The following POC1B variants were observed in gnomAD, a reference collection of about 807,000 sequenced individuals.
POC1B encodes POC1 centriolar protein B, also known as POC1 centriolar protein homolog B.
Under a neutral mutation model 60.6 loss-of-function variants are expected in POC1B, and 44 were observed. The observed-to-expected ratio is 0.73, with a 90% confidence interval of 0.57 to 0.93. POC1B has a LOEUF of 0.93. Among genes scored for constraint, POC1B ranks in the 40% least tolerant of loss-of-function variants. The probability of loss-of-function intolerance (pLI) is 0.00; values close to 1 mark genes in which losing one functional copy is unlikely to be tolerated. For missense variants in POC1B, 555 were observed against 572.3 expected, an observed-to-expected ratio of 0.97 and a Z score of 0.31; for synonymous variants, 180 against 198.9, an observed-to-expected ratio of 0.90 and a Z score of 0.80.
chr12:89,489,489 T>C (rs965455354), intron 4 of POC1B, among the ~76,000 whole-genome samples: 5 of 152,132 alleles, frequency 3.3e-5, no homozygotes, highest in Non-Finnish European at 7.3e-5. Flanking sequence ...AAGAAAAACC[T>C]AGTGACTAAA....
Position 89,466,920 on chromosome 12 carries a change from G to T in POC1B, c.882C>A (p.Val294=). 1 of 1,605,992 alleles carries T rather than the reference G, an allele frequency of 6.2e-7. No homozygotes were observed. Among genetic ancestry groups the T allele is most frequent in the Non-Finnish European group, 8.5e-7 (1 of 1,175,748 alleles). The change falls in exon 9 of 12, where the codon GTC becomes GTA. Residue 294 remains valine, a splice_region_variant and synonymous_variant. Coordinates refer to ENST00000313546, the MANE Select transcript of POC1B (RefSeq NM_172240.3). ...CATCAAAGTTAGTCCTCCATAATAA[G>T]ACCTATGAAAAAAGTCAATGATGTT... is the stretch of plus-strand genomic sequence containing the variant. ...LFASGGADTQ[V]LLWRTNFDEL...
chr12:89,442,640 C>T (rs1881578478), intron 10 of POC1B, among the ~76,000 whole-genome samples: 1 of 152,218 alleles, frequency 6.6e-6, no homozygotes, highest in Non-Finnish European at 1.5e-5. Context: ...GTACCAGCCA[C>T]TGCAAAAACA....
At chr12:89,412,600 C>G in the POC1B span, among the ~76,000 whole-genome samples, 1 of 151,706 alleles carries the variant, frequency 6.6e-6, no homozygotes, top group Admixed American at 6.6e-5. Context: ...CCGCTTGAAC[C>G]CGGGAGGTGG....
intron 11 of POC1B, among the ~76,000 whole-genome samples, chr12:89,424,763 G>A (rs1408505673): frequency 6.6e-6 from 1 of 152,144 alleles, no homozygotes; most frequent in African/African-American, 2.4e-5. Flanking sequence ...AAACCATCAT[G>A]CCTGGAAGAT....
chr12:89,468,111 A>C (rs1266102593), intron 7 of POC1B, among the ~76,000 whole-genome samples: 1 of 152,200 alleles, frequency 6.6e-6, no homozygotes, highest in Admixed American at 6.5e-5. Flanking sequence ...GGCTTCACTG[A>C]GTTCCCCCTT....
chr12:89,466,983 A>C (rs1345212163), intron 8 of POC1B, 61 bp from the exon 9 acceptor site: 1 of 1,436,794 alleles, frequency 7.0e-7, no homozygotes, highest in African/African-American at 1.4e-5. Flanking sequence ...AATAGAGCTG[A>C]TTTTAAAACC....
intron 2 of POC1B, among the ~76,000 whole-genome samples, chr12:89,499,480 G>T (rs1257646018): frequency 6.6e-6 from 1 of 151,748 alleles, no homozygotes; most frequent in Non-Finnish European, 1.5e-5. Context: ...ACCTGCACAT[G>T]TACTCCCTGA....
intron 10 of POC1B, among the ~76,000 whole-genome samples, chr12:89,439,377 C>A (rs993554298): frequency 6.6e-6 from 1 of 152,140 alleles, no homozygotes; most frequent in Non-Finnish European, 1.5e-5. Flanking sequence ...CTAGAACATT[C>A]CAGTTCTCCC....
intron 2 of POC1B, chr12:89,500,747 G>C (rs1869518689): frequency 9.4e-7 from 1 of 1,064,278 alleles, no homozygotes; most frequent in South Asian, 1.5e-5. Context: ...AAAGAAAATA[G>C]AAATAGATAG....
At chr12:89,525,027 C>T in intron 2 of POC1B, 93 bp downstream of exon 2, 1 of 1,553,444 alleles carries the variant, frequency 6.4e-7, no homozygotes, top group East Asian at 2.3e-5. Context: ...GGCCCTTAGC[C>T]GTTCTCCTAG....
chr12:89,455,336 C>T (rs983659288), intron 10 of POC1B, among the ~76,000 whole-genome samples: 6 of 151,582 alleles, frequency 4.0e-5, no homozygotes, highest in African/African-American at 1.2e-4. Flanking sequence ...GACCTTGTCT[C>T]AAAAAAGAAA....
chr12:89,480,027 C>T (rs1218576877), intron 4 of POC1B, among the ~76,000 whole-genome samples: 1 of 152,108 alleles, frequency 6.6e-6, no homozygotes, highest in African/African-American at 2.4e-5. Context: ...ACACATGTAT[C>T]TGCTTCTGGG....
intron 2 of POC1B, among the ~76,000 whole-genome samples, chr12:89,519,027 G>T (rs1225517694): frequency 2.6e-5 from 4 of 152,142 alleles, no homozygotes; most frequent in Non-Finnish European, 2.9e-5. Flanking sequence ...TGGTGGAAGG[G>T]AATTTCATTT....
intron 2 of POC1B, among the ~76,000 whole-genome samples, chr12:89,512,933 C>T (rs548210012): frequency 6.6e-6 from 1 of 152,212 alleles, no homozygotes; most frequent in East Asian, 1.9e-4. Flanking sequence ...ACCAATAAAC[C>T]AGTGCTTCTC....
At chr12:89,484,733 G>A (rs1868543178) in intron 4 of POC1B, among the ~76,000 whole-genome samples, 1 of 152,166 alleles carries the variant, frequency 6.6e-6, no homozygotes, top group Non-Finnish European at 1.5e-5. Flanking sequence ...ACTAATCACT[G>A]TACTGCATCA....
At chr12:89,446,317 C>A (rs377044919) in intron 10 of POC1B, among the ~76,000 whole-genome samples, 3 of 152,126 alleles carry the variant, frequency 2.0e-5, no homozygotes, top group African/African-American at 4.8e-5. Context: ...ATGTTTATTG[C>A]GGCACTATTC....
the POC1B span, among the ~76,000 whole-genome samples, chr12:89,412,054 G>C: frequency 6.6e-6 from 1 of 152,288 alleles, no homozygotes; most frequent in African/African-American, 2.4e-5. Flanking sequence ...TTTTATCTCT[G>C]AAAAGCAAAG....
intron 4 of POC1B, among the ~76,000 whole-genome samples, chr12:89,489,422 G>A (rs1459546866): frequency 6.6e-6 from 1 of 152,182 alleles, no homozygotes; most frequent in Non-Finnish European, 1.5e-5. Flanking sequence ...CAGCTATATG[G>A]CATATACAGA....
chr12:89,475,282 A>G (rs1024167568), intron 4 of POC1B, among the ~76,000 whole-genome samples: 1 of 152,328 alleles, frequency 6.6e-6, no homozygotes, highest in South Asian at 2.1e-4. Flanking sequence ...TTCCCAGAGC[A>G]AAATAAATGA....
Sources: gnomAD v4.1 joint callset for allele counts (sites outside exome capture counted in the v4.1 genomes callset) on GRCh38, gnomAD v4.1.1 for gene constraint, MANE v1.5 for transcripts, NCBI Gene and HGNC (gene_info 2026-07-23, HGNC 2026-07-21) for gene names.